The following RAB11FIP2 variants were observed in gnomAD, a reference collection of about 807,000 sequenced individuals.
The protein encoded by RAB11FIP2 is RAB11 family interacting protein 2, also known as rab11 family-interacting protein 2.
A neutral mutation model predicts 40.9 loss-of-function variants in RAB11FIP2; 16 were observed. The observed-to-expected ratio is 0.39, with a 90% CI of 0.26 to 0.59. The LOEUF (loss-of-function observed/expected upper bound fraction) is 0.59, where lower values mean the gene tolerates loss of function less well. Among genes scored for constraint, RAB11FIP2 ranks in the 20% least tolerant of loss-of-function variants. The pLI is 0.53. For missense variants in RAB11FIP2, 532 were observed against 606.2 expected (o/e 0.88, Z 1.28); for synonymous variants, 228 against 213.7 (o/e 1.07, Z -0.58).
chr10:118,045,193 T>C (rs1846611664), intron 1 of RAB11FIP2: 1 of 152,360 alleles, frequency 6.6e-6, no homozygotes, highest in Non-Finnish European at 1.5e-5. Flanking sequence ...TCTGATGTAA[T>C]TGCAAATTCA....
chr10:118,009,968 ATTTAC>A (rs1373839785), intron 4 of RAB11FIP2, among the ~76,000 whole-genome samples: 1 of 152,170 alleles, frequency 6.6e-6, no homozygotes, highest in Non-Finnish European at 1.5e-5. Flanking sequence ...CATTTCATCT[ATTTAC>A]TTAACTTTAT....
chr10:118,041,552 A>G (rs527559587), intron 1 of RAB11FIP2, among the ~76,000 whole-genome samples: 5 of 152,310 alleles, frequency 3.3e-5, no homozygotes, highest in African/African-American at 1.2e-4. Flanking sequence ...ATGTTTTCAC[A>G]TAACTTAGCA....
chr10:118,012,395 T>A (rs2928124), intron 4 of RAB11FIP2, among the ~76,000 whole-genome samples: 1 of 151,862 alleles, frequency 6.6e-6, no homozygotes, highest in Non-Finnish European at 1.5e-5. Context: ...GTACTATGAA[T>A]TATATTCTGG....
intron 4 of RAB11FIP2, among the ~76,000 whole-genome samples, chr10:118,011,153 T>C (rs1415191193): frequency 6.6e-6 from 1 of 152,084 alleles, no homozygotes; most frequent in Non-Finnish European, 1.5e-5. Context: ...CAAGAATGAA[T>C]AGAGAGGATA....
chr10:118,046,181 C>T lies in RAB11FIP2; in HGVS notation c.-18G>A, dbSNP rs769577106. The T allele has an allele frequency of 6.2e-7, 1 of 1,601,284 alleles. No individual in the cohort carries two copies. The highest frequency in any genetic ancestry group is 1.7e-5 in the Admixed American group (1 of 59,686). ...AGCATCATCCTGTCCTGTTTCTCTG[C>T]CCCCGAGTTCCCTAGCACAGGCAGT... is the stretch of plus-strand genomic sequence containing the variant. On this transcript the variant is annotated 5_prime_UTR_variant, in exon 1 of 5. Coordinates refer to ENST00000355624, the MANE Select transcript of RAB11FIP2 (RefSeq NM_014904.3).
intron 1 of RAB11FIP2, among the ~76,000 whole-genome samples, chr10:118,044,664 T>G (rs539067613): frequency 4.5e-4 from 68 of 152,192 alleles, no homozygotes; most frequent in African/African-American, 1.6e-3. Context: ...AGACCTGATT[T>G]AAAATGAAAC....
At chr10:118,035,571 G>A (rs1357245515) in intron 3 of RAB11FIP2, among the ~76,000 whole-genome samples, 3 of 152,122 alleles carry the variant, frequency 2.0e-5, no homozygotes, top group East Asian at 3.9e-4. Context: ...TTGCTACACT[G>A]TGTGCATTAA....
At chr10:118,035,602 T>C (rs1846471457) in intron 3 of RAB11FIP2, among the ~76,000 whole-genome samples, 2 of 152,112 alleles carry the variant, frequency 1.3e-5, no homozygotes, top group Admixed American at 6.6e-5. Context: ...TGCTATACTG[T>C]GTGCGTTTAT....
rs924772900 is a variant in RAB11FIP2 at position 118,028,627 on chromosome 10, T to C, written c.1265+10345A>G. On this transcript the variant is annotated intron_variant, in intron 3 of 4. Coordinates refer to ENST00000355624, the MANE Select transcript of RAB11FIP2 (RefSeq NM_014904.3). ...AAAGTAATCACAGATGAGGTGATCA[T>C]AGTGGCCCAACTGGAAATGTTCTAA... is the stretch of plus-strand genomic sequence containing the variant. Among the ~76,000 whole-genome samples the C allele has an allele frequency of 7.2e-5, 11 of 152,246 alleles. No homozygotes were observed. The South Asian group carries it at 1.9e-3, about 26-fold the overall frequency.
At chr10:118,019,973 T>C (rs1313177130) in intron 3 of RAB11FIP2, among the ~76,000 whole-genome samples, 1 of 152,096 alleles carries the variant, frequency 6.6e-6, no homozygotes, top group African/African-American at 2.4e-5. Flanking sequence ...TAATGAAGCA[T>C]AGAAAAACAT....
In RAB11FIP2 at chr10:118,040,212, A is replaced by G. The variant is rs777640535; in HGVS notation, c.707T>C (p.Met236Thr). 5 of 1,613,780 alleles carry G rather than the reference A, an allele frequency of 3.1e-6. No homozygotes were observed. The Admixed American group carries it at 8.3e-5, about 27-fold the overall frequency. ...HSMSDLSGSHMSSEKLKAGTI... is the reference protein window; with the variant it reads ...HSMSDLSGSHTSSEKLKAGTI... ...GCCAGCCTTCAGTTTCTCAGAAGACATATGGGACCCAGATAAATCAGACAT... is the reference window on the plus strand; with the variant it reads ...GCCAGCCTTCAGTTTCTCAGAAGACGTATGGGACCCAGATAAATCAGACAT... Residue 236 changes from methionine (M) to threonine (T), a missense_variant, in exon 2 of 5, where the codon ATG (methionine) becomes ACG (threonine). Transcript: ENST00000355624.
chr10:118,045,685 G>T, intron 1 of RAB11FIP2, 126 bp downstream of exon 1: 1 of 719,130 alleles, frequency 1.4e-6, no homozygotes, highest in Non-Finnish European at 2.3e-6. Flanking sequence ...CAAATATGGT[G>T]CTTAAAACTG....
intron 4 of RAB11FIP2, among the ~76,000 whole-genome samples, chr10:118,011,504 G>A (rs770529764): frequency 1.6e-4 from 25 of 151,930 alleles, no homozygotes; most frequent in Non-Finnish European, 3.4e-4. Flanking sequence ...ATGTTAAGCC[G>A]TTTTCTACAG....
chr10:118,031,674 A>C (rs1002074499), intron 3 of RAB11FIP2, among the ~76,000 whole-genome samples: 2 of 152,122 alleles, frequency 1.3e-5, no homozygotes, highest in Non-Finnish European at 2.9e-5. Flanking sequence ...ACCATCCTAA[A>C]ATATAACTAT....
rs1330615722 is a variant in RAB11FIP2 at position 118,007,522 on chromosome 10, A to G, written c.*1476T>C. 5 of 151,888 alleles carry G rather than the reference A, an allele frequency of 3.3e-5. No homozygotes were observed. The highest frequency in any genetic ancestry group is 1.2e-4 in the African/African-American group (5 of 41,402). The allele number at this position is 151,888 out of a possible 1,614,324, so 9.4% of individuals were successfully genotyped here. On this transcript the variant is annotated 3_prime_UTR_variant, in exon 5 of 5. Coordinates refer to ENST00000355624, the MANE Select transcript of RAB11FIP2 (RefSeq NM_014904.3). Reference sequence around the variant, plus strand: ...TGGAGTCTTAACAGAGATAAGTATTAGAAAAAAATGCAATTCATGGAAAGA... The same window carrying G: ...TGGAGTCTTAACAGAGATAAGTATTGGAAAAAAATGCAATTCATGGAAAGA...
chr10:118,042,725 T>C (rs1028223048), intron 1 of RAB11FIP2, among the ~76,000 whole-genome samples: 5 of 152,196 alleles, frequency 3.3e-5, no homozygotes, highest in Middle Eastern at 3.2e-3. Flanking sequence ...TGTGTTTACA[T>C]TGTCTTGTTT....
At chr10:118,042,803 G>A (rs1846577586) in intron 1 of RAB11FIP2, among the ~76,000 whole-genome samples, 1 of 152,018 alleles carries the variant, frequency 6.6e-6, no homozygotes, top group Non-Finnish European at 1.5e-5. Context: ...ACTACAAACT[G>A]TAAATACACT....
Position 118,006,108 on chromosome 10 carries a change from A to T in RAB11FIP2, c.*2890T>A, listed in dbSNP as rs748942868. On this transcript the variant is annotated 3_prime_UTR_variant, in exon 5 of 5. Transcript: ENST00000355624. ...AAAACGTTTTTCATGAATGGGTTAC[A>T]TGTTGTTTTATATACAATTCTAAGA... 2 of 152,644 alleles carry T rather than the reference A, an allele frequency of 1.3e-5. No individual in the cohort carries two copies. The highest frequency in any genetic ancestry group is 4.8e-5 in the African/African-American group (2 of 41,462). The allele number at this position is 152,644 out of a possible 1,614,324, so 9.5% of individuals were successfully genotyped here.
chr10:118,028,973 C>T lies in RAB11FIP2; in HGVS notation c.1265+9999G>A, dbSNP rs575407357. Among the ~76,000 whole-genome samples the T allele has an allele frequency of 3.2e-4, 48 of 151,780 alleles. 2 individuals carry two copies. The South Asian group carries it at 9.8e-3, about 31-fold the overall frequency. On this transcript the variant is annotated intron_variant, in intron 3 of 4. Transcript: ENST00000355624. ...CTTGCTAGTCTCAAACAATTCAAAA[C>T]ACCTAATTCCTAGTCTCTAAAAAAA...
Sources: allele counts gnomAD v4.1 joint callset (sites outside exome capture counted in the v4.1 genomes callset), GRCh38; gene constraint gnomAD v4.1.1; transcripts MANE v1.5; gene names NCBI Gene and HGNC (gene_info 2026-07-23, HGNC 2026-07-21).